The following SH3BGRL variants were observed in gnomAD, a reference collection of about 807,000 sequenced individuals.
SH3BGRL encodes SH3 domain binding glutamate rich protein like.
In SH3BGRL, 7 loss-of-function variants were observed where a neutral mutation model predicts 9.8. That is an observed-to-expected ratio of 0.72 (90% CI 0.41 to 1.35). SH3BGRL has a LOEUF of 1.35. Among genes scored for constraint, SH3BGRL ranks in the 40% most tolerant of loss-of-function variants. SH3BGRL has a pLI of 0.01. For missense variants in SH3BGRL, 73 were observed against 84.4 expected, an observed-to-expected ratio of 0.86 and a Z score of 0.53; for synonymous variants, 36 against 29.1, an observed-to-expected ratio of 1.24 and a Z score of -0.76.
chrX:81,202,367 CG>C, intron 1 of SH3BGRL, 122 bp downstream of exon 1: 1 of 973,698 alleles, frequency 1.0e-6, no homozygotes, highest in East Asian at 4.0e-5. Context: ...CATGCATCCC[CG>C]ATCCCACCCT....
chrX:81,242,680 G>A (rs748814233), intron 1 of SH3BGRL, among the ~76,000 whole-genome samples: 3 of 111,274 alleles, frequency 2.7e-5, no homozygotes, highest in South Asian at 7.6e-4. Flanking sequence ...ATCTGACAAG[G>A]TATTAATAAC....
intron 1 of SH3BGRL, among the ~76,000 whole-genome samples, chrX:81,236,180 G>A (rs752966918): frequency 9.0e-6 from 1 of 111,679 alleles, no homozygotes; most frequent in Non-Finnish European, 1.9e-5. Context: ...CCCCAGTGCA[G>A]ATCGTGTCCA....
chrX:81,248,701 G>T (rs961945796), intron 1 of SH3BGRL, among the ~76,000 whole-genome samples: 2 of 112,024 alleles, frequency 1.8e-5, no homozygotes, highest in African/African-American at 6.5e-5. Context: ...AATTAAAAAT[G>T]GCATCCTGCT....
At chrX:81,242,627 A>G (rs1235305354) in intron 1 of SH3BGRL, among the ~76,000 whole-genome samples, 1 of 111,903 alleles carries the variant, frequency 8.9e-6, no homozygotes, top group African/African-American at 3.3e-5. Flanking sequence ...AACAAAGTGA[A>G]GAGACAGCCC....
intron 1 of SH3BGRL, among the ~76,000 whole-genome samples, chrX:81,225,163 C>A (rs1250063055): frequency 6.3e-5 from 7 of 110,784 alleles, no homozygotes; most frequent in African/African-American, 1.3e-4. Context: ...TTTTAACCAG[C>A]TCTTTAGCCA....
intron 1 of SH3BGRL, among the ~76,000 whole-genome samples, chrX:81,274,367 C>T (rs2075790687): frequency 9.0e-6 from 1 of 110,993 alleles, no homozygotes; most frequent in Non-Finnish European, 1.9e-5. Context: ...AATCCCAGCA[C>T]TTTGGGAGGC....
intron 3 of SH3BGRL, among the ~76,000 whole-genome samples, chrX:81,288,937 T>C (rs1334448963): frequency 8.9e-6 from 1 of 111,941 alleles, no homozygotes; most frequent in African/African-American, 3.2e-5. Flanking sequence ...CTAAAATTCA[T>C]GGGTAACCAC....
At chrX:81,240,621 G>T (rs1046231614) in intron 1 of SH3BGRL, among the ~76,000 whole-genome samples, 14 of 112,310 alleles carry the variant, frequency 1.2e-4, no homozygotes, top group Non-Finnish European at 7.5e-5. Flanking sequence ...CCTACCCAAA[G>T]CAATCTCCAG....
chrX:81,266,210 C>T (rs1303188349), intron 1 of SH3BGRL, among the ~76,000 whole-genome samples: 1 of 111,769 alleles, frequency 8.9e-6, no homozygotes, highest in African/African-American at 3.3e-5. Flanking sequence ...TAATTAGATC[C>T]CATTTATCAA....
chrX:81,275,598 A>AT (rs1280205500), intron 1 of SH3BGRL, among the ~76,000 whole-genome samples: 1 of 111,717 alleles, frequency 9.0e-6, no homozygotes, highest in African/African-American at 3.3e-5. Flanking sequence ...TTTTACATTG[A>AT]TTTTTCTCAG....
intron 1 of SH3BGRL, among the ~76,000 whole-genome samples, chrX:81,205,099 T>C (rs2075542444): frequency 1.8e-5 from 2 of 112,003 alleles, no homozygotes; most frequent in Non-Finnish European, 3.8e-5. Context: ...TAGCTGTTTT[T>C]TCTAGCTATA....
At chrX:81,251,726 A>G (rs1437771750) in intron 1 of SH3BGRL, among the ~76,000 whole-genome samples, 1 of 112,253 alleles carries the variant, frequency 8.9e-6, no homozygotes, top group Non-Finnish European at 1.9e-5. Flanking sequence ...ACATTCTAAA[A>G]CAGAAACAAT....
At chrX:81,228,890 A>G (rs2075624675) in intron 1 of SH3BGRL, among the ~76,000 whole-genome samples, 1 of 112,181 alleles carries the variant, frequency 8.9e-6, no homozygotes, top group Admixed American at 9.4e-5. Flanking sequence ...GCTGTGACAT[A>G]TGAGCTATAG....
chrX:81,259,197 T>C (rs1363305929), intron 1 of SH3BGRL, among the ~76,000 whole-genome samples: 1 of 111,967 alleles, frequency 8.9e-6, no homozygotes, highest in Non-Finnish European at 1.9e-5. Context: ...TTTGTGTATT[T>C]TTGCTTATCC....
chrX:81,249,833 C>A (rs1602610901), intron 1 of SH3BGRL, among the ~76,000 whole-genome samples: 1 of 111,227 alleles, frequency 9.0e-6, no homozygotes, highest in East Asian at 2.8e-4. Flanking sequence ...AAATTTTAAT[C>A]TTAAAAACTA....
At chrX:81,261,959 A>G (rs1602616581) in intron 1 of SH3BGRL, among the ~76,000 whole-genome samples, 2 of 111,874 alleles carry the variant, frequency 1.8e-5, no homozygotes, top group Non-Finnish European at 3.8e-5. Context: ...TTAATTTGGT[A>G]CATGAGATGT....
chrX:81,216,679 G>C, intron 1 of SH3BGRL, among the ~76,000 whole-genome samples: 1 of 111,230 alleles, frequency 9.0e-6, no homozygotes, highest in East Asian at 2.8e-4. Flanking sequence ...CCACTAGTAA[G>C]TGAGAACATG....
At chrX:81,203,060 TACTC>T (rs2075534825) in intron 1 of SH3BGRL, among the ~76,000 whole-genome samples, 1 of 111,928 alleles carries the variant, frequency 8.9e-6, no homozygotes, top group Non-Finnish European at 1.9e-5. Flanking sequence ...TGGATTCACT[TACTC>T]TTAATTTAGA....
chrX:81,295,817 C>T (rs764387281), intron 3 of SH3BGRL, among the ~76,000 whole-genome samples: 9 of 111,439 alleles, frequency 8.1e-5, no homozygotes, highest in East Asian at 2.8e-4. Context: ...ATCAGCATTT[C>T]GGTCATAACA....
Sources: allele counts gnomAD v4.1 joint callset (sites outside exome capture counted in the v4.1 genomes callset), GRCh38; gene constraint gnomAD v4.1.1; transcripts MANE v1.5; gene names NCBI Gene and HGNC (gene_info 2026-07-23, HGNC 2026-07-21).